Variants in CTNNA2 observed in about 807,000 individuals in gnomAD.
CTNNA2 encodes the protein catenin alpha 2.
CTNNA2 carries 42 observed loss-of-function variants against 101.0 expected under a neutral mutation model. The ratio of observed to expected loss-of-function variants is 0.42; its 90% CI spans 0.32 to 0.54. CTNNA2 has a LOEUF of 0.54. CTNNA2 is among the 20% of genes least tolerant of loss of function. CTNNA2 has a pLI of 0.14. For synonymous variants in CTNNA2, 450 were observed against 456.4 expected (o/e 0.99, Z 0.18); for missense variants, 871 against 1,223.1 (o/e 0.71, Z 4.29).
intron 4 of CTNNA2, among the ~76,000 whole-genome samples, chr2:79,461,170 CAG>C (rs2104535653): frequency 1.3e-5 from 2 of 152,292 alleles, no homozygotes; most frequent in East Asian, 3.9e-4. Context: ...TCTACAATGG[CAG>C]AGTGAGCAAA....
chr2:79,808,142 A>T (rs1342449189), intron 3 of CTNNA2, among the ~76,000 whole-genome samples: 1 of 152,152 alleles, frequency 6.6e-6, no homozygotes, highest in African/African-American at 2.4e-5. Context: ...TCTACAGATA[A>T]TTTGTCTTCA....
At chr2:80,024,524 A>G (rs115489413) in intron 7 of CTNNA2, among the ~76,000 whole-genome samples, 70 of 152,322 alleles carry the variant, frequency 4.6e-4, no homozygotes, top group Admixed American at 4.5e-3. Context: ...CTGAAGGCTC[A>G]TTTGCTTAGC....
chr2:80,232,341 G>GTTTTTTTTTTTT (rs1286822049), intron 7 of CTNNA2, among the ~76,000 whole-genome samples: 38 of 82,002 alleles, frequency 4.6e-4, no homozygotes, highest in East Asian at 1.8e-3. Context: ...TTGTTTGTTT[G>GTTTTTTTTTTTT]TTTGTTTTTT....
At chr2:80,248,697 G>A (rs1416007549) in intron 7 of CTNNA2, among the ~76,000 whole-genome samples, 1 of 152,142 alleles carries the variant, frequency 6.6e-6, no homozygotes, top group African/African-American at 2.4e-5. Context: ...TCTCTCAGAG[G>A]TGCTGGCTGT....
intron 7 of CTNNA2, among the ~76,000 whole-genome samples, chr2:79,982,751 TTGA>T (rs1691475349): frequency 6.6e-6 from 1 of 152,196 alleles, no homozygotes; most frequent in African/African-American, 2.4e-5. Flanking sequence ...CTTTCACCTA[TTGA>T]TCTCCATTTT....
intron 7 of CTNNA2, among the ~76,000 whole-genome samples, chr2:80,126,474 TC>T (rs1215493218): frequency 4.6e-5 from 7 of 151,956 alleles, no homozygotes; most frequent in African/African-American, 1.7e-4. Context: ...TCTCTCTCTC[TC>T]TCTCTGTCTT....
intron 3 of CTNNA2, among the ~76,000 whole-genome samples, chr2:79,789,038 C>T (rs1235429308): frequency 6.6e-6 from 1 of 152,118 alleles, no homozygotes; most frequent in African/African-American, 2.4e-5. Flanking sequence ...TAAGTTTAAA[C>T]CTTATGAGCT....
intron 2 of CTNNA2, among the ~76,000 whole-genome samples, chr2:79,672,090 A>G (rs1232143648): frequency 2.0e-5 from 3 of 151,994 alleles, no homozygotes; most frequent in African/African-American, 7.2e-5. Context: ...AAAAATGCCT[A>G]TTTTCTATAA....
At chr2:79,497,914 C>T (rs1292185361) in intron 4 of CTNNA2, among the ~76,000 whole-genome samples, 1 of 152,152 alleles carries the variant, frequency 6.6e-6, no homozygotes, top group Non-Finnish European at 1.5e-5. Context: ...ACTGTATTGG[C>T]TTATATAAAA....
At chr2:80,215,580 A>G (rs188163510) in intron 7 of CTNNA2, among the ~76,000 whole-genome samples, 3 of 152,292 alleles carry the variant, frequency 2.0e-5, no homozygotes, top group Admixed American at 6.5e-5. Flanking sequence ...AACAGCAAAT[A>G]TTGCAGAATG....
At chr2:79,870,057 T>G in intron 5 of CTNNA2, 122 bp downstream of exon 5, 6 of 1,312,828 alleles carry the variant, frequency 4.6e-6, no homozygotes, top group Non-Finnish European at 6.3e-6. Flanking sequence ...TAAGAACCTG[T>G]GATGACAAAG....
At chr2:80,069,000 G>T (rs570070012) in intron 7 of CTNNA2, among the ~76,000 whole-genome samples, 1 of 152,314 alleles carries the variant, frequency 6.6e-6, no homozygotes, top group Admixed American at 6.5e-5. Context: ...ATATAGAAGA[G>T]GAGATTTATT....
In CTNNA2 at chr2:79,409,975, A is replaced by C. The variant is rs528972853; in HGVS notation, c.-135+35962A>C. Among the ~76,000 whole-genome samples, 677 of 151,352 alleles carry C rather than the reference A, an allele frequency of 4.5e-3. 3 individuals carry two copies. Among genetic ancestry groups the C allele is most frequent in the Middle Eastern group, 6.8e-3 (2 of 294 alleles). ...ATGTCTTTGTATCCTCTTTTATTTC[A>C]TTGAGCAGTGGTTTGTAGTTCTCCT... On this transcript the variant is annotated intron_variant, in intron 4 of 21. Coordinates refer to the CTNNA2 transcript ENST00000466387.
At chr2:79,849,224 A>C (rs1434107970) in intron 3 of CTNNA2, among the ~76,000 whole-genome samples, 2 of 152,052 alleles carry the variant, frequency 1.3e-5, no homozygotes, top group Non-Finnish European at 2.9e-5. Flanking sequence ...TGGTAGAAAG[A>C]CAAAGGGACA....
intron 12 of CTNNA2, among the ~76,000 whole-genome samples, chr2:80,568,892 A>C (rs1227722313): frequency 6.6e-6 from 1 of 152,218 alleles, no homozygotes; most frequent in African/African-American, 2.4e-5. Context: ...CACAAGAACC[A>C]TATAGGCAGA....
intron 9 of CTNNA2, among the ~76,000 whole-genome samples, chr2:80,468,018 G>T (rs914114426): frequency 6.6e-6 from 1 of 152,122 alleles, no homozygotes; most frequent in Non-Finnish European, 1.5e-5. Context: ...ATAAGTGTTC[G>T]ATTTTTCATG....
At chr2:79,690,681 A>G (rs1684231822) in intron 2 of CTNNA2, among the ~76,000 whole-genome samples, 1 of 151,970 alleles carries the variant, frequency 6.6e-6, no homozygotes, top group Admixed American at 6.6e-5. Context: ...AAGCCCAGAG[A>G]GAGTAAAGGA....
intron 3 of CTNNA2, among the ~76,000 whole-genome samples, chr2:79,799,710 G>C (rs1676009902): frequency 6.6e-6 from 1 of 152,076 alleles, no homozygotes. Context: ...GAACTGAAAG[G>C]AGCTTCAAAT....
intron 2 of CTNNA2, among the ~76,000 whole-genome samples, chr2:79,208,001 T>C (rs1412102011): frequency 6.6e-6 from 1 of 152,134 alleles, no homozygotes; most frequent in Non-Finnish European, 1.5e-5. Context: ...TTCTGTGTTC[T>C]GGGAAATGGT....
Sources: allele counts gnomAD v4.1 joint callset (sites outside exome capture counted in the v4.1 genomes callset), GRCh38; gene constraint gnomAD v4.1.1; transcripts MANE v1.5; gene names NCBI Gene and HGNC (gene_info 2026-07-23, HGNC 2026-07-21).